Variants in DIS3L2 observed in about 807,000 individuals in gnomAD.
DIS3L2 encodes the protein DIS3-like exonuclease 2.
In DIS3L2, 34 loss-of-function variants were observed where a neutral mutation model predicts 97.5. The ratio of observed to expected loss-of-function variants is 0.35; its 90% CI spans 0.27 to 0.46. DIS3L2 has a LOEUF of 0.46. Ranked by LOEUF, DIS3L2 falls within the 20% of genes least tolerant of loss-of-function variation. The pLI is 1.00. For synonymous variants in DIS3L2, 435 were observed against 445.2 expected, an observed-to-expected ratio of 0.98 and a Z score of 0.29; for missense variants, 1,038 against 1,146.0, an observed-to-expected ratio of 0.91 and a Z score of 1.36.
chr2:232,144,318 G>T (rs1405015568), intron 8 of DIS3L2, among the ~76,000 whole-genome samples: 1 of 152,042 alleles, frequency 6.6e-6, no homozygotes, highest in East Asian at 1.9e-4. Flanking sequence ...ATTTACACTT[G>T]TTAGACTCAT....
chr2:232,325,963 C>T lies in DIS3L2; in HGVS notation c.1740-3850C>T, dbSNP rs1462461318. Among the ~76,000 whole-genome samples the T allele has an allele frequency of 6.6e-6, 1 of 152,178 alleles. No homozygotes were observed. The highest frequency in any genetic ancestry group is 1.5e-5 in the Non-Finnish European group (1 of 68,020). Reference sequence around the variant, plus strand: ...CCCACTCTGCGCCCTTCGGGGCTCCCGTGGCCCAGAGTGTGGAGCGGCTCA... The same window carrying T: ...CCCACTCTGCGCCCTTCGGGGCTCCTGTGGCCCAGAGTGTGGAGCGGCTCA... On this transcript the variant is annotated intron_variant, in intron 14 of 20. Transcript: ENST00000325385. This position sits in a 1 kb window ranked among gnomAD's most constrained non-coding sequence, Gnocchi z 4.6.
At chr2:231,988,629 G>A (rs1173704672) in intron 1 of DIS3L2, among the ~76,000 whole-genome samples, 1 of 152,130 alleles carries the variant, frequency 6.6e-6, no homozygotes, top group African/African-American at 2.4e-5. Context: ...AAGACATGAC[G>A]TGGATCTTGT....
intron 20 of DIS3L2, chr2:232,336,156 C>G: frequency 1.3e-6 from 2 of 1,533,894 alleles, no homozygotes; most frequent in South Asian, 2.4e-5. Context: ...TTTAGAGAAC[C>G]TGATGAAAGC....
intron 5 of DIS3L2, among the ~76,000 whole-genome samples, chr2:232,062,813 C>T (rs1482283634): frequency 2.0e-5 from 3 of 152,002 alleles, no homozygotes; most frequent in African/African-American, 2.4e-5. Context: ...CCTGCCTTAC[C>T]TATCTTACCT....
chr2:232,209,910 T>G lies in DIS3L2; in HGVS notation c.1125-416T>G, dbSNP rs542870939. Among the ~76,000 whole-genome samples, 11 of 152,368 alleles carry G rather than the reference T, an allele frequency of 7.2e-5. No homozygotes were observed. In the East Asian group the frequency reaches 1.9e-3, roughly 27 times the overall value. On this transcript the variant is annotated intron_variant, in intron 9 of 20. Coordinates refer to ENST00000325385, the MANE Select transcript of DIS3L2 (RefSeq NM_152383.5). ...TTAACTCTACGGCCCAAAGTTTTTT[T>G]GCGAAGCTTATTGTTGGGTCCCATC...
chr2:232,138,739 C>T (rs138472251), intron 8 of DIS3L2, among the ~76,000 whole-genome samples: 75 of 152,072 alleles, frequency 4.9e-4, no homozygotes, highest in African/African-American at 1.5e-3. Flanking sequence ...GCTGTGGGTG[C>T]GAAAGTGTTA....
At chr2:232,073,000 A>G (rs1696080195) in intron 5 of DIS3L2, among the ~76,000 whole-genome samples, 2 of 152,190 alleles carry the variant, frequency 1.3e-5, no homozygotes, top group Non-Finnish European at 2.9e-5. Context: ...TAAGCAAACG[A>G]AGTTCCCAAC....
At chr2:232,295,613 ACT>A (rs1694705748) in intron 13 of DIS3L2, among the ~76,000 whole-genome samples, 1 of 151,850 alleles carries the variant, frequency 6.6e-6, no homozygotes, top group African/African-American at 2.4e-5. Flanking sequence ...CCTTCAGTAC[ACT>A]CTCACATCCT....
intron 13 of DIS3L2, among the ~76,000 whole-genome samples, chr2:232,279,693 T>G (rs1183874099): frequency 2.0e-5 from 3 of 152,132 alleles, no homozygotes; most frequent in Non-Finnish European, 4.4e-5. Context: ...CACGCCCGGC[T>G]AATTATTTTA....
At chr2:232,288,325 G>A (rs923577199) in intron 13 of DIS3L2, among the ~76,000 whole-genome samples, 1 of 152,228 alleles carries the variant, frequency 6.6e-6, no homozygotes, top group Non-Finnish European at 1.5e-5. Flanking sequence ...AACATCTGAA[G>A]ATGTGAGCAC....
rs897293485 is a variant in DIS3L2 at position 232,268,571 on chromosome 2, G to A, written c.1659+5131G>A. Among the ~76,000 whole-genome samples, 2 of 152,224 alleles carry A rather than the reference G, an allele frequency of 1.3e-5. No homozygotes were observed. Among genetic ancestry groups the A allele is most frequent in the African/African-American group, 4.8e-5 (2 of 41,458 alleles). ...TTGCTTTAAATGGATAAATGTGGCTGTGTTTCAACAAAACTTTAAGAACAC... is the reference window on the plus strand; with the variant it reads ...TTGCTTTAAATGGATAAATGTGGCTATGTTTCAACAAAACTTTAAGAACAC... On this transcript the variant is annotated intron_variant, in intron 13 of 20. Coordinates refer to ENST00000325385, the MANE Select transcript of DIS3L2 (RefSeq NM_152383.5). This position sits in a 1 kb window ranked among gnomAD's most constrained non-coding sequence, Gnocchi z 4.1.
At chr2:232,010,254 C>G (rs1694160162) in intron 1 of DIS3L2, among the ~76,000 whole-genome samples, 2 of 152,096 alleles carry the variant, frequency 1.3e-5, no homozygotes, top group African/African-American at 4.8e-5. Flanking sequence ...GTCTGGATAT[C>G]CTTTCCCCTG....
At chr2:232,312,341 G>A (rs897421168) in intron 14 of DIS3L2, among the ~76,000 whole-genome samples, 1 of 152,054 alleles carries the variant, frequency 6.6e-6, no homozygotes, top group African/African-American at 2.4e-5. Flanking sequence ...GGTATCTGTT[G>A]ACCCAGCATC....
At chr2:232,072,482 C>T (rs528257083) in intron 5 of DIS3L2, among the ~76,000 whole-genome samples, 3 of 152,044 alleles carry the variant, frequency 2.0e-5, no homozygotes, top group East Asian at 1.9e-4. Context: ...GAGACGAGGT[C>T]GGAGGGATCC....
At chr2:232,107,959 A>G (rs1237278343) in intron 6 of DIS3L2, among the ~76,000 whole-genome samples, 1 of 152,190 alleles carries the variant, frequency 6.6e-6, no homozygotes, top group Non-Finnish European at 1.5e-5. Context: ...GCTGAATTCT[A>G]CAAAGAGCTG....
At chr2:231,967,969 A>G (rs1444366786) in intron 1 of DIS3L2, among the ~76,000 whole-genome samples, 2 of 152,196 alleles carry the variant, frequency 1.3e-5, no homozygotes, top group Non-Finnish European at 2.9e-5. Flanking sequence ...TAAAGTGTAC[A>G]GTTTGTTAAG....
At chr2:232,035,256 C>T (rs559443050) in intron 5 of DIS3L2, among the ~76,000 whole-genome samples, 12 of 152,082 alleles carry the variant, frequency 7.9e-5, no homozygotes, top group Admixed American at 2.6e-4. Flanking sequence ...TATGTAATGC[C>T]CTTCTTTGTC....
At chr2:232,094,748 A>G (rs1172120435) in intron 6 of DIS3L2, among the ~76,000 whole-genome samples, 1 of 151,348 alleles carries the variant, frequency 6.6e-6, no homozygotes, top group Admixed American at 6.6e-5. Flanking sequence ...AAGAAAAGAA[A>G]GAAAGCTCCA....
chr2:232,242,334 G>C (rs962017957), intron 11 of DIS3L2, among the ~76,000 whole-genome samples: 2 of 152,188 alleles, frequency 1.3e-5, no homozygotes, highest in Non-Finnish European at 2.9e-5. Context: ...ATGGCCAATG[G>C]GTTATCGCAC....
Sources: allele counts gnomAD v4.1 joint callset (sites outside exome capture counted in the v4.1 genomes callset), GRCh38; gene constraint gnomAD v4.1.1; non-coding constraint Gnocchi (gnomAD v3.1); transcripts MANE v1.5; gene names NCBI Gene and HGNC (gene_info 2026-07-23, HGNC 2026-07-21).